HDAC1: variants seen among roughly 807,000 people sequenced by gnomAD.
HDAC1 encodes the protein histone deacetylase 1.
Under a neutral mutation model 65.5 loss-of-function variants are expected in HDAC1, and 18 were observed. The ratio of observed to expected loss-of-function variants is 0.27; its 90% CI spans 0.19 to 0.41. The LOEUF (loss-of-function observed/expected upper bound fraction) is 0.41. Among genes scored for constraint, HDAC1 ranks in the 10% least tolerant of loss-of-function variants. The probability of loss-of-function intolerance (pLI) is 1.00; values close to 1 mark genes in which losing one functional copy is unlikely to be tolerated. For missense variants in HDAC1, 373 were observed against 625.2 expected (o/e 0.60, Z 4.30); for synonymous variants, 211 against 227.9 (o/e 0.93, Z 0.67).
intron 1 of HDAC1, among the ~76,000 whole-genome samples, chr1:32,297,646 T>C (rs922690327): frequency 1.6e-4 from 25 of 152,166 alleles, no homozygotes; most frequent in Non-Finnish European, 3.2e-4. Context: ...AGTCTTGCTC[T>C]GTCGCCCAGG....
Position 32,309,815 on chromosome 1 carries a change from C to T in HDAC1, c.163-6850C>T, listed in dbSNP as rs904858865. The stretch of plus-strand genomic sequence containing the variant: ...GCTCAAGTGATTCTCCTGCCTCAGC[C>T]TCCCAAGTAGTTGAGACTACAAGTG... On this transcript the variant is annotated intron_variant, in intron 2 of 13. Coordinates refer to ENST00000373548, the MANE Select transcript of HDAC1 (RefSeq NM_004964.3). 2.6e-5 allele frequency among the ~76,000 whole-genome samples: 4 copies of T among 152,086 alleles called. No homozygotes were observed. In the South Asian group the frequency reaches 8.3e-4, roughly 31 times the overall value.
At chr1:32,316,291 A>G (rs1280520534) in intron 2 of HDAC1, among the ~76,000 whole-genome samples, 1 of 152,224 alleles carries the variant, frequency 6.6e-6, no homozygotes, top group Admixed American at 6.5e-5. Flanking sequence ...CTCAAAAAAA[A>G]AAAGTAATAA....
At chr1:32,315,317 A>G (rs554637791) in intron 2 of HDAC1, among the ~76,000 whole-genome samples, 6 of 152,024 alleles carry the variant, frequency 3.9e-5, no homozygotes, top group African/African-American at 1.4e-4. Context: ...CATTTTGTCC[A>G]TAATTTTATA....
chr1:32,301,025 C>T (rs987612883), intron 1 of HDAC1, among the ~76,000 whole-genome samples: 1 of 152,172 alleles, frequency 6.6e-6, no homozygotes. Context: ...CATAGTTTGC[C>T]TACTCCAGTC....
At chr1:32,294,350 T>C (rs1640738734) in intron 1 of HDAC1, among the ~76,000 whole-genome samples, 1 of 151,650 alleles carries the variant, frequency 6.6e-6, no homozygotes, top group African/African-American at 2.4e-5. Flanking sequence ...GGTTTCACGA[T>C]GTTGGCCAGG....
chr1:32,332,290 A>T (rs774693397), intron 12 of HDAC1, 48 bp downstream of exon 12: 2 of 1,565,166 alleles, frequency 1.3e-6, no homozygotes, highest in South Asian at 2.4e-5. Context: ...TGAGAGGATG[A>T]ATCTATGTAG....
At chr1:32,297,158 A>G (rs1640778131) in intron 1 of HDAC1, among the ~76,000 whole-genome samples, 1 of 152,170 alleles carries the variant, frequency 6.6e-6, no homozygotes, top group Non-Finnish European at 1.5e-5. Context: ...GATAAGAATC[A>G]TTTTGAGGCT....
At position 32,292,091 on chromosome 1, in the gene HDAC1, C is replaced by T; in HGVS notation, c.-79C>T. The T allele has an allele frequency of 4.3e-6, 6 of 1,410,894 alleles. No individual in the cohort carries two copies. In the South Asian group the frequency reaches 6.2e-5, roughly 14 times the overall value. The allele number at this position is 1,410,894 out of a possible 1,614,324, so 87.4% of individuals were successfully genotyped here. ...GCGGGCCGGAGGCCCGCCCCCTCCC[C>T]CCTGGGTCGGACGCTGAGCGGAGCC... On this transcript the variant is annotated 5_prime_UTR_variant, in exon 1 of 14. Coordinates refer to ENST00000373548, the MANE Select transcript of HDAC1 (RefSeq NM_004964.3).
At chr1:32,323,036 C>T (rs1641169038) in intron 3 of HDAC1, among the ~76,000 whole-genome samples, 1 of 152,116 alleles carries the variant, frequency 6.6e-6, no homozygotes, top group Non-Finnish European at 1.5e-5. Context: ...GGCACGGTGG[C>T]TTATGCCTGT....
intron 2 of HDAC1, among the ~76,000 whole-genome samples, chr1:32,315,037 T>A (rs1641040919): frequency 6.6e-6 from 1 of 152,158 alleles, no homozygotes; most frequent in Non-Finnish European, 1.5e-5. Context: ...AACCTGTGGA[T>A]GACATTAAGT....
chr1:32,297,607 A>G (rs1640785329), intron 1 of HDAC1, among the ~76,000 whole-genome samples: 1 of 151,976 alleles, frequency 6.6e-6, no homozygotes, highest in Admixed American at 6.6e-5. Flanking sequence ...AGATAAGGGA[A>G]TAGACTTCTT....
At chr1:32,309,913 C>G (rs775229408) in intron 2 of HDAC1, among the ~76,000 whole-genome samples, 3 of 152,030 alleles carry the variant, frequency 2.0e-5, no homozygotes, top group Non-Finnish European at 4.4e-5. Flanking sequence ...TGTTGTAGGT[C>G]ATAGCATGTA....
chr1:32,310,908 A>C (rs1212525644), intron 2 of HDAC1, among the ~76,000 whole-genome samples: 3 of 151,704 alleles, frequency 2.0e-5, no homozygotes, highest in Admixed American at 2.0e-4. Flanking sequence ...GAGAGAGAGA[A>C]AGACAAAGAA....
In HDAC1 at chr1:32,327,788, T is replaced by G. The variant is rs763311168; in HGVS notation, c.636+111T>G. 3.5e-6 allele frequency: 3 copies of G among 865,190 alleles called. No individual in the cohort carries two copies. Among genetic ancestry groups the G allele is most frequent in the Non-Finnish European group, 5.8e-6 (3 of 519,682 alleles). 53.6% of individuals were successfully genotyped at this position (865,190 alleles called of 1,614,324 possible). A position where few individuals can be genotyped will look rare whatever the true frequency, so the allele number is the denominator to read the frequency against. On this transcript the variant is annotated intron_variant, in intron 6 of 13. Transcript: ENST00000373548. The surrounding 1 kb of genome is among the most constrained non-coding windows in gnomAD (Gnocchi z 6.0). ...TTCTTGCCTCTTCTGCCAATCAGAATACCACATCCCAATCTGAAGCACTTG... is the reference window on the plus strand; with the variant it reads ...TTCTTGCCTCTTCTGCCAATCAGAAGACCACATCCCAATCTGAAGCACTTG...
chr1:32,331,790 TGACAAGCGCATCTCGA>T lies in HDAC1; in HGVS notation c.1205_1219+1del, dbSNP rs1459251200. On this transcript the variant is annotated frameshift_variant and splice_region_variant, in exon 11 of 14. Transcript: ENST00000373548. LOFTEE classifies it high-confidence loss of function. The surrounding 1 kb of genome is among the most constrained non-coding windows in gnomAD (Gnocchi z 4.2). Reference sequence around the variant, plus strand: ...GTGGCGATGAGGACGAAGACGACCCTGACAAGCGCATCTCGAGTGAGACCCAGACCTAGAGCCCTAT... The same window carrying T: ...GTGGCGATGAGGACGAAGACGACCCTGTGAGACCCAGACCTAGAGCCCTAT... 1 of 1,612,112 alleles carries T rather than the reference TGACAAGCGCATCTCGA, an allele frequency of 6.2e-7. No individual in the cohort carries two copies. The highest frequency in any genetic ancestry group is 8.5e-7 in the Non-Finnish European group (1 of 1,179,058).
chr1:32,332,971 G>A (rs1641317839), intron 13 of HDAC1, 46 bp from the exon 14 acceptor site: 1 of 1,607,708 alleles, frequency 6.2e-7, no homozygotes. Flanking sequence ...TTTGCCCTGA[G>A]GCTCTGGGCT....
chr1:32,292,265 C>G (rs1389768551), intron 1 of HDAC1, 47 bp downstream of exon 1: 1 of 1,545,866 alleles, frequency 6.5e-7, no homozygotes, highest in Non-Finnish European at 8.7e-7. Flanking sequence ...CGGGCCGGAC[C>G]GGGAACCTGG....
intron 3 of HDAC1, among the ~76,000 whole-genome samples, chr1:32,321,068 A>G (rs1314818767): frequency 6.6e-6 from 1 of 150,406 alleles, no homozygotes; most frequent in Non-Finnish European, 1.5e-5. Flanking sequence ...CATCTCTACT[A>G]AAAATACAAA....
intron 2 of HDAC1, among the ~76,000 whole-genome samples, chr1:32,308,243 T>A (rs886726557): frequency 3.9e-5 from 6 of 152,124 alleles, no homozygotes; most frequent in Non-Finnish European, 7.4e-5. Flanking sequence ...AGCTTGAACC[T>A]GGGAGGCAGA....
Sources: gnomAD v4.1 joint callset for allele counts (sites outside exome capture counted in the v4.1 genomes callset) on GRCh38, gnomAD v4.1.1 for gene constraint, Gnocchi (gnomAD v3.1) non-coding constraint, MANE v1.5 for transcripts, NCBI Gene and HGNC (gene_info 2026-07-23, HGNC 2026-07-21) for gene names.